Variants in FOXP2 observed in about 807,000 individuals in gnomAD.
FOXP2 encodes the protein forkhead box protein P2.
In FOXP2, 12 loss-of-function variants were observed where a neutral mutation model predicts 115.8. That is an observed-to-expected ratio of 0.10 (90% confidence interval 0.07 to 0.17). The LOEUF is 0.17. Ranked by LOEUF, FOXP2 falls within the 10% of genes least tolerant of loss-of-function variation. FOXP2 has a pLI of 1.00. For missense variants in FOXP2, 629 were observed against 843.5 expected (o/e 0.75, Z 3.15); for synonymous variants, 328 against 297.7 (o/e 1.10, Z -1.05).
rs551732873 is a variant in FOXP2, at chr7:114,400,191, T to TTTG, written c.-10-26290_-10-26288dup. On this transcript the variant is annotated intron_variant, in intron 2 of 17. Transcript: ENST00000634411. ...CATTTTCTTTGTAAAATTTATGTTT[T>TTTG]TTGTTGTTGTTGTTGTTGTTGTTTT... 6.0e-3 allele frequency among the ~76,000 whole-genome samples: 914 copies of TTTG among 152,044 alleles called. 5 individuals are homozygous for TTTG. The highest frequency in any genetic ancestry group is 0.021 in the African/African-American group (854 of 41,494).
chr7:114,550,861 A>G (rs1474415994), intron 3 of FOXP2, among the ~76,000 whole-genome samples: 1 of 152,228 alleles, frequency 6.6e-6, no homozygotes, highest in Non-Finnish European at 1.5e-5. Flanking sequence ...GATAGTAAGC[A>G]ATATTTTTTG....
intron 13 of FOXP2, among the ~76,000 whole-genome samples, chr7:114,660,188 A>G (rs1262923909): frequency 5.9e-5 from 9 of 152,142 alleles, no homozygotes; most frequent in Admixed American, 4.6e-4. Flanking sequence ...ACATAAATGC[A>G]GTTTATTTAC....
At chr7:114,550,982 C>A (rs561238688) in intron 3 of FOXP2, among the ~76,000 whole-genome samples, 1 of 152,008 alleles carries the variant, frequency 6.6e-6, no homozygotes, top group East Asian at 1.9e-4. Context: ...GCTAATAAAT[C>A]TTTTTTTCTA....
At chr7:114,093,445 A>G (rs1799581635) in intron 1 of FOXP2, among the ~76,000 whole-genome samples, 1 of 152,146 alleles carries the variant, frequency 6.6e-6, no homozygotes, top group South Asian at 2.1e-4. Context: ...CCCCAGTGGC[A>G]TGTAGGTTCC....
intron 1 of FOXP2, among the ~76,000 whole-genome samples, chr7:114,172,026 A>G (rs1024250205): frequency 3.3e-5 from 5 of 152,196 alleles, no homozygotes; most frequent in African/African-American, 1.2e-4. Flanking sequence ...AATTGCTGCA[A>G]TCTCATGATA....
intron 2 of FOXP2, among the ~76,000 whole-genome samples, chr7:114,348,725 A>C (rs1380840359): frequency 2.0e-5 from 3 of 152,124 alleles, no homozygotes; most frequent in Non-Finnish European, 2.9e-5. Context: ...CAGCTTTAAA[A>C]TTCTATAAAG....
chr7:114,316,815 CTT>C (rs1797289117), intron 2 of FOXP2, among the ~76,000 whole-genome samples: 2 of 152,006 alleles, frequency 1.3e-5, no homozygotes, highest in Admixed American at 6.6e-5. Flanking sequence ...CCCAAAATCT[CTT>C]TTATAAAAAA....
intron 1 of FOXP2, among the ~76,000 whole-genome samples, chr7:114,157,970 A>C (rs867099570): frequency 6.6e-6 from 1 of 152,108 alleles, no homozygotes. Flanking sequence ...TATATTTAAG[A>C]AACAATATTT....
chr7:114,104,120 G>A lies in FOXP2; in HGVS notation c.-247+16282G>A, dbSNP rs568084631. ...GAATGAAAGTCCTTTTTATGATGGT[G>A]TACTTGTTGCTTTACCAAAATTATG... On this transcript the variant is annotated intron_variant, in intron 1 of 19. Transcript: ENST00000635638. 3.0e-4 allele frequency among the ~76,000 whole-genome samples: 45 copies of A among 151,962 alleles called. 1 individual carries two copies. Among genetic ancestry groups the A allele is most frequent in the Admixed American group, 6.6e-4 (10 of 15,222 alleles).
At chr7:114,149,903 G>A (rs977568136) in intron 1 of FOXP2, among the ~76,000 whole-genome samples, 2 of 151,936 alleles carry the variant, frequency 1.3e-5, no homozygotes, top group Non-Finnish European at 2.9e-5. Context: ...AGGAAATTTG[G>A]TTTGAGGACT....
chr7:114,355,074 A>G (rs1791588008), intron 2 of FOXP2, among the ~76,000 whole-genome samples: 1 of 152,178 alleles, frequency 6.6e-6, no homozygotes, highest in African/African-American at 2.4e-5. Context: ...GTGATAGAGT[A>G]TTACAATAGG....
intron 2 of FOXP2, among the ~76,000 whole-genome samples, chr7:114,369,535 A>T (rs1265136066): frequency 7.2e-6 from 1 of 138,364 alleles, no homozygotes; most frequent in East Asian, 2.0e-4. Flanking sequence ...AAACACTGCT[A>T]AAAAAAAAAG....
rs559175833 is a variant in FOXP2, at chr7:114,499,066, G to T, written c.169-35551G>T. On this transcript the variant is annotated intron_variant, in intron 2 of 16. Transcript: ENST00000350908. ...TAGACCTACTGAATCAGAAACCCTGGGGTTGGAGCTCAGCAATTACCCTGC... is the reference window on the plus strand; with the variant it reads ...TAGACCTACTGAATCAGAAACCCTGTGGTTGGAGCTCAGCAATTACCCTGC... 15 of 576,496 alleles carry T rather than the reference G, an allele frequency of 2.6e-5. No homozygotes were observed. In the East Asian group the frequency reaches 4.4e-4, roughly 17 times the overall value. 35.7% of individuals were successfully genotyped at this position (576,496 alleles called of 1,614,324 possible).
intron 1 of FOXP2, among the ~76,000 whole-genome samples, chr7:114,204,228 G>A (rs1438076580): frequency 6.6e-6 from 1 of 152,096 alleles, no homozygotes; most frequent in African/African-American, 2.4e-5. Context: ...TTTTATTTAA[G>A]CAACATATCC....
intron 3 of FOXP2, among the ~76,000 whole-genome samples, chr7:114,621,664 T>G (rs1200742355): frequency 6.6e-6 from 1 of 151,992 alleles, no homozygotes; most frequent in Non-Finnish European, 1.5e-5. Flanking sequence ...AGTTGATGTT[T>G]TCTCATCAGG....
At chr7:114,269,614 A>G (rs1342427990) in intron 1 of FOXP2, among the ~76,000 whole-genome samples, 1 of 152,132 alleles carries the variant, frequency 6.6e-6, no homozygotes, top group African/African-American at 2.4e-5. Context: ...TAATGTATAA[A>G]TAACATGATT....
At chr7:114,471,149 TTCAACTG>T (rs1396764370) in intron 2 of FOXP2, among the ~76,000 whole-genome samples, 2 of 152,192 alleles carry the variant, frequency 1.3e-5, no homozygotes, top group African/African-American at 4.8e-5. Context: ...TAATTTCTCA[TTCAACTG>T]TGTATTTCCC....
At chr7:114,228,310 T>A (rs1408954187) in intron 1 of FOXP2, among the ~76,000 whole-genome samples, 1 of 152,002 alleles carries the variant, frequency 6.6e-6, no homozygotes, top group Non-Finnish European at 1.5e-5. Context: ...CAGAAAAAGC[T>A]TTAACAGTAT....
intron 2 of FOXP2, among the ~76,000 whole-genome samples, chr7:114,434,442 G>C (rs1794249323): frequency 6.8e-6 from 1 of 146,324 alleles, no homozygotes; most frequent in Non-Finnish European, 1.5e-5. Flanking sequence ...TATATATGGG[G>C]GGGGGGGATA....
Sources: allele counts gnomAD v4.1 joint callset (sites outside exome capture counted in the v4.1 genomes callset), GRCh38; gene constraint gnomAD v4.1.1; transcripts MANE v1.5; gene names NCBI Gene and HGNC (gene_info 2026-07-23, HGNC 2026-07-21).